Variants in STPG2 observed in about 807,000 individuals in gnomAD.
The protein encoded by STPG2 is sperm tail PG-rich repeat containing 2.
STPG2 carries 56 observed loss-of-function variants against 54.2 expected under a neutral mutation model. The ratio of observed to expected loss-of-function variants is 1.03; its 90% confidence interval spans 0.83 to 1.29. The LOEUF is 1.29. Among genes scored for constraint, STPG2 ranks in the 50% most tolerant of loss-of-function variants. The pLI is 0.00. For synonymous variants in STPG2, 200 were observed against 181.8 expected (o/e 1.10, Z -0.81); for missense variants, 596 against 544.9 (o/e 1.09, Z -0.93).
chr4:97,544,153 T>A (rs1028560070), intron 4 of STPG2, among the ~76,000 whole-genome samples: 1 of 152,112 alleles, frequency 6.6e-6, no homozygotes, highest in African/African-American at 2.4e-5. Context: ...TAAAACTGTA[T>A]GCATACAAAA....
chr4:98,104,361 GA>G (rs1317873169), intron 5 of STPG2, among the ~76,000 whole-genome samples: 1 of 152,058 alleles, frequency 6.6e-6, no homozygotes, highest in Non-Finnish European at 1.5e-5. Context: ...AAAGCACTGA[GA>G]AAATGCTACA....
chr4:97,783,957 T>C (rs1268938653), intron 9 of STPG2, among the ~76,000 whole-genome samples: 1 of 151,018 alleles, frequency 6.6e-6, no homozygotes, highest in Non-Finnish European at 1.5e-5. Context: ...TTAGGAGACA[T>C]ACCTAATGTA....
intron 5 of STPG2, among the ~76,000 whole-genome samples, chr4:98,073,960 T>C (rs567816637): frequency 4.6e-5 from 7 of 152,290 alleles, no homozygotes; most frequent in African/African-American, 7.2e-5. Context: ...TTTCAAACTA[T>C]AGAAATCCTC....
chr4:97,772,139 G>A (rs1015031644), intron 9 of STPG2, among the ~76,000 whole-genome samples: 4 of 152,154 alleles, frequency 2.6e-5, no homozygotes, highest in East Asian at 1.9e-4. Flanking sequence ...TGGTCCATTT[G>A]AAGAGCATGT....
intron 4 of STPG2, among the ~76,000 whole-genome samples, chr4:97,482,826 T>C (rs1730258194): frequency 6.6e-6 from 1 of 151,590 alleles, no homozygotes; most frequent in Non-Finnish European, 1.5e-5. Flanking sequence ...AGGTAACCTA[T>C]GAAAGAAAAC....
chr4:97,854,069 T>A lies in STPG2; in HGVS notation c.1045-13137A>T, dbSNP rs528582456. 9.8e-5 allele frequency among the ~76,000 whole-genome samples: 15 copies of A among 152,314 alleles called. No individual in the cohort carries two copies. In the South Asian group the frequency reaches 3.1e-3, roughly 32 times the overall value. ...TTGAACTCCTGGGCTCAAGTGATCC[T>A]CCTGCCTTAGTTTGCCAAAGTGCTG... On this transcript the variant is annotated intron_variant, in intron 8 of 10. Transcript: ENST00000295268.
rs1736114886 is a variant in STPG2, at chr4:98,019,907, G to C, written c.613-38589C>G. 3.3e-5 allele frequency among the ~76,000 whole-genome samples: 4 copies of C among 121,180 alleles called. 1 individual carries two copies. Among genetic ancestry groups the C allele is most frequent in the Admixed American group, 7.9e-5 (1 of 12,650 alleles). The allele number at this position is 121,180 out of a possible 152,430, so 79.5% of individuals were successfully genotyped here. On this transcript the variant is annotated intron_variant, in intron 5 of 10. Coordinates refer to ENST00000295268, the MANE Select transcript of STPG2 (RefSeq NM_174952.3). ...TGCTGAAGTTGCTTATCAGCTTAAG[G>C]AGATTTTGGGCTGAGACAATGGGGT...
At chr4:97,753,361 T>C in intron 9 of STPG2, among the ~76,000 whole-genome samples, 1 of 151,966 alleles carries the variant, frequency 6.6e-6, no homozygotes, top group Non-Finnish European at 1.5e-5. Context: ...GCTTATTTCA[T>C]TAAGCATCAT....
chr4:97,703,596 A>G (rs1723847845), intron 10 of STPG2, among the ~76,000 whole-genome samples: 1 of 80,800 alleles, frequency 1.2e-5, no homozygotes, highest in South Asian at 4.5e-4. Context: ...TATATATACT[A>G]TAAGTAGTGT....
chr4:97,674,651 A>G (rs1722787289), intron 10 of STPG2, among the ~76,000 whole-genome samples: 1 of 152,224 alleles, frequency 6.6e-6, no homozygotes, highest in African/African-American at 2.4e-5. Flanking sequence ...CAAACAATCA[A>G]TCCTTTCAAC....
intron 5 of STPG2, among the ~76,000 whole-genome samples, chr4:98,032,359 A>G (rs1736624014): frequency 6.6e-6 from 1 of 152,224 alleles, no homozygotes; most frequent in Non-Finnish European, 1.5e-5. Context: ...TCTGGTATAT[A>G]TAAACTTACT....
intron 8 of STPG2, among the ~76,000 whole-genome samples, chr4:97,848,036 G>T (rs1417670398): frequency 1.3e-5 from 2 of 152,092 alleles, no homozygotes; most frequent in African/African-American, 4.8e-5. Context: ...CCAATAAACT[G>T]TTGTACTAAA....
At chr4:98,053,743 G>C (rs1314532428) in intron 5 of STPG2, among the ~76,000 whole-genome samples, 1 of 151,904 alleles carries the variant, frequency 6.6e-6, no homozygotes, top group Non-Finnish European at 1.5e-5. Context: ...GTTTCTTTTG[G>C]CAACATTTTA....
At chr4:97,966,650 GC>G (rs1560613784) in intron 7 of STPG2, among the ~76,000 whole-genome samples, 1 of 152,140 alleles carries the variant, frequency 6.6e-6, no homozygotes, top group Non-Finnish European at 1.5e-5. Context: ...ACAAAGAGAA[GC>G]CCATCAGACT....
intron 5 of STPG2, among the ~76,000 whole-genome samples, chr4:98,014,378 G>A (rs1048771738): frequency 6.6e-6 from 1 of 151,978 alleles, no homozygotes; most frequent in African/African-American, 2.4e-5. Flanking sequence ...GGTGGGCTGC[G>A]GCAACACACT....
intron 5 of STPG2, among the ~76,000 whole-genome samples, chr4:98,056,492 G>A (rs1287840913): frequency 6.6e-6 from 1 of 152,136 alleles, no homozygotes; most frequent in Non-Finnish European, 1.5e-5. Context: ...GAACAAAGTC[G>A]GGGACCAATA....
intron 8 of STPG2, among the ~76,000 whole-genome samples, chr4:97,903,648 C>T (rs1050086803): frequency 7.9e-5 from 12 of 152,314 alleles, no homozygotes; most frequent in Admixed American, 5.2e-4. Flanking sequence ...GCGTGAGCAA[C>T]GCAGAAGACT....
chr4:97,879,387 A>T (rs2149163059), intron 8 of STPG2, among the ~76,000 whole-genome samples: 1 of 152,290 alleles, frequency 6.6e-6, no homozygotes, highest in South Asian at 2.1e-4. Context: ...TTTATAAAGA[A>T]AAAGAGGTTT....
intron 7 of STPG2, among the ~76,000 whole-genome samples, chr4:97,953,623 A>G (rs1272814231): frequency 6.6e-6 from 1 of 152,178 alleles, no homozygotes. Context: ...CTCTTCCCAC[A>G]CTGCTCCTAC....
Sources: gnomAD v4.1 joint callset for allele counts (sites outside exome capture counted in the v4.1 genomes callset) on GRCh38, gnomAD v4.1.1 for gene constraint, MANE v1.5 for transcripts, NCBI Gene and HGNC (gene_info 2026-07-23, HGNC 2026-07-21) for gene names.